Variants in ZNF385D observed in about 807,000 individuals in gnomAD.
ZNF385D encodes zinc finger protein 659.
ZNF385D carries 15 observed loss-of-function variants against 35.8 expected under a neutral mutation model. The ratio of observed to expected loss-of-function variants is 0.42; its 90% confidence interval spans 0.28 to 0.64. The LOEUF (loss-of-function observed/expected upper bound fraction) is 0.64. Among genes scored for constraint, ZNF385D ranks in the 30% least tolerant of loss-of-function variants. ZNF385D has a pLI of 0.23. For missense variants in ZNF385D, 474 were observed against 494.6 expected, an observed-to-expected ratio of 0.96 and a Z score of 0.39; for synonymous variants, 212 against 186.8, an observed-to-expected ratio of 1.13 and a Z score of -1.10.
At chr3:22,110,619 C>A (rs551068613) in intron 3 of ZNF385D, among the ~76,000 whole-genome samples, 6 of 151,726 alleles carry the variant, frequency 4.0e-5, no homozygotes, top group Non-Finnish European at 4.4e-5. Context: ...AGGGGAACAT[C>A]ACACTCCAGG....
intron 3 of ZNF385D, among the ~76,000 whole-genome samples, chr3:22,126,970 T>G (rs1389810363): frequency 6.6e-6 from 1 of 152,176 alleles, no homozygotes; most frequent in African/African-American, 2.4e-5. Context: ...AACAATTTCT[T>G]CTATCTGATG....
intron 3 of ZNF385D, among the ~76,000 whole-genome samples, chr3:21,991,901 T>A (rs945358701): frequency 1.3e-5 from 2 of 152,208 alleles, no homozygotes; most frequent in African/African-American, 4.8e-5. Flanking sequence ...TACACTCCAA[T>A]CTTTTTAAAA....
At chr3:21,850,426 T>C (rs1696311193) in intron 3 of ZNF385D, among the ~76,000 whole-genome samples, 2 of 152,102 alleles carry the variant, frequency 1.3e-5, no homozygotes, top group Admixed American at 1.3e-4. Flanking sequence ...CAGTAGTCTC[T>C]TTGAGCTGTA....
chr3:21,905,205 C>CAAAAAAAAAAAAA (rs63147760), intron 3 of ZNF385D, among the ~76,000 whole-genome samples: 15 of 69,726 alleles, frequency 2.2e-4, no homozygotes, highest in Non-Finnish European at 3.3e-4. Context: ...ACAAAAAATC[C>CAAAAAAAAAAAAA]AAAAAAAAAA....
chr3:22,361,646 C>T (rs1459593368), intron 2 of ZNF385D, among the ~76,000 whole-genome samples: 1 of 151,956 alleles, frequency 6.6e-6, no homozygotes, highest in African/African-American at 2.4e-5. Context: ...TGAATCATTC[C>T]AATGTATGAT....
At chr3:22,039,373 G>A (rs1374795499) in intron 3 of ZNF385D, among the ~76,000 whole-genome samples, 1 of 151,718 alleles carries the variant, frequency 6.6e-6, no homozygotes. Context: ...TCACACCCCA[G>A]TTTTAACATT....
At chr3:21,974,277 A>G (rs1703455570) in intron 3 of ZNF385D, among the ~76,000 whole-genome samples, 1 of 152,114 alleles carries the variant, frequency 6.6e-6, no homozygotes, top group Non-Finnish European at 1.5e-5. Flanking sequence ...CCATACATCT[A>G]CAGTGAACTT....
chr3:22,306,935 A>G (rs1309555311), intron 2 of ZNF385D, among the ~76,000 whole-genome samples: 2 of 152,198 alleles, frequency 1.3e-5, no homozygotes, highest in Non-Finnish European at 2.9e-5. Context: ...AGAAATAAAT[A>G]CAAGGCTGTT....
chr3:21,623,174 GGTT>G (rs2065051875), intron 2 of ZNF385D, among the ~76,000 whole-genome samples: 1 of 151,976 alleles, frequency 6.6e-6, no homozygotes, highest in African/African-American at 2.4e-5. Context: ...TGCCCCACTG[GGTT>G]GTTGTACAAA....
chr3:21,756,487 G>C (rs1300252945), intron 3 of ZNF385D, among the ~76,000 whole-genome samples: 2 of 151,990 alleles, frequency 1.3e-5, no homozygotes, highest in African/African-American at 2.4e-5. Flanking sequence ...TAGTAGTTTG[G>C]CTATATGGGT....
chr3:22,141,702 A>G (rs1369297020), intron 3 of ZNF385D, among the ~76,000 whole-genome samples: 2 of 152,214 alleles, frequency 1.3e-5, no homozygotes, highest in Non-Finnish European at 2.9e-5. Flanking sequence ...ATCAAGAATC[A>G]GAAATTAGCT....
At chr3:22,111,709 A>G (rs1192851455) in intron 3 of ZNF385D, among the ~76,000 whole-genome samples, 1 of 152,152 alleles carries the variant, frequency 6.6e-6, no homozygotes, top group Non-Finnish European at 1.5e-5. Flanking sequence ...AAAAAAGTAG[A>G]AGACATCGGA....
chr3:22,360,683 C>T (rs1014957422), intron 2 of ZNF385D, among the ~76,000 whole-genome samples: 2 of 151,954 alleles, frequency 1.3e-5, no homozygotes, highest in African/African-American at 4.8e-5. Flanking sequence ...GCCCTATTCA[C>T]AGTAGAGAGC....
intron 2 of ZNF385D, among the ~76,000 whole-genome samples, chr3:22,227,526 A>G (rs1037178074): frequency 1.3e-5 from 2 of 152,202 alleles, no homozygotes; most frequent in African/African-American, 4.8e-5. Context: ...CTTGGCTTCA[A>G]TCATGAACAA....
At chr3:21,740,736 T>C (rs1222841686) in intron 1 of ZNF385D, among the ~76,000 whole-genome samples, 1 of 152,206 alleles carries the variant, frequency 6.6e-6, no homozygotes, top group Non-Finnish European at 1.5e-5. Flanking sequence ...AGCCAACTGC[T>C]GCCTAGGTGA....
At position 22,190,615 on chromosome 3, in the gene ZNF385D, A is replaced by G. The variant is rs550409085; in HGVS notation, c.107-21580T>C. On this transcript the variant is annotated intron_variant, in intron 2 of 5. Transcript: ENST00000494108. ...TAACCTAGTGATATGGGACAAGCCA[A>G]CTAGGACCGTCTGGAGTAATCTGGT... Among the ~76,000 whole-genome samples the G allele has an allele frequency of 3.3e-5, 5 of 152,354 alleles. No individual in the cohort carries two copies. In the South Asian group the frequency reaches 8.3e-4, roughly 25 times the overall value.
intron 3 of ZNF385D, among the ~76,000 whole-genome samples, chr3:21,922,950 C>T (rs1463218008): frequency 1.3e-5 from 2 of 152,128 alleles, no homozygotes; most frequent in African/African-American, 4.8e-5. Flanking sequence ...AAACAAATTG[C>T]CCTGTTTGAA....
intron 3 of ZNF385D, among the ~76,000 whole-genome samples, chr3:21,960,976 G>A (rs1343578352): frequency 6.6e-6 from 1 of 152,042 alleles, no homozygotes; most frequent in Non-Finnish European, 1.5e-5. Context: ...ACAGCTAGAT[G>A]GGAGGGATGA....
At chr3:21,878,872 T>G (rs1698121364) in intron 3 of ZNF385D, among the ~76,000 whole-genome samples, 1 of 152,074 alleles carries the variant, frequency 6.6e-6, no homozygotes, top group Non-Finnish European at 1.5e-5. Flanking sequence ...TTTGAAGTTC[T>G]TTTTTGCATT....
Sources: allele counts gnomAD v4.1 joint callset (sites outside exome capture counted in the v4.1 genomes callset), GRCh38; gene constraint gnomAD v4.1.1; transcripts MANE v1.5; gene names NCBI Gene and HGNC (gene_info 2026-07-23, HGNC 2026-07-21).